AMPD1: variants seen among roughly 807,000 people sequenced by gnomAD.
The protein encoded by AMPD1 is AMP deaminase 1.
AMPD1 carries 74 observed loss-of-function variants against 82.9 expected under a neutral mutation model. The ratio of observed to expected loss-of-function variants is 0.89; its 90% CI spans 0.74 to 1.08. The LOEUF is 1.08. Among genes scored for constraint, AMPD1 ranks in the 50% least tolerant of loss-of-function variants. The pLI is 0.00. For missense variants in AMPD1, 881 were observed against 924.5 expected (o/e 0.95, Z 0.61); for synonymous variants, 333 against 320.5 (o/e 1.04, Z -0.42).
Position 114,674,778 on chromosome 1 carries a change from T to C in AMPD1, c.1774A>G (p.Ile592Val). ...TTTTTTAAATTTAGGCCATGAGAGA[T>C]ATCATCTGCTATCATGAATGCTGTC... ...LMTAFMIADD[I>V]SHGLNLKKSP... Residue 592 changes from isoleucine to valine, a missense_variant, in exon 13 of 16, where the codon ATC (isoleucine) becomes GTC (valine). By Grantham distance (29) the Ile-to-Val change is conservative. Transcript: ENST00000520113. 1 of 1,613,356 alleles carries C rather than the reference T, an allele frequency of 6.2e-7. No individual in the cohort carries two copies. The highest frequency in any genetic ancestry group is 2.2e-5 in the East Asian group (1 of 44,886).
chr1:114,677,439 C>A lies in AMPD1; in HGVS notation c.1300G>T (p.Asp434Tyr), dbSNP rs752111432. 1 of 1,612,694 alleles carries A rather than the reference C, an allele frequency of 6.2e-7. No individual in the cohort carries two copies. Among genetic ancestry groups the A allele is most frequent in the Non-Finnish European group, 8.5e-7 (1 of 1,179,770 alleles). The change falls in exon 10 of 16, where the codon GAT becomes TAT. Residue 434 changes from aspartate to tyrosine, a missense_variant. Physicochemically the swap from Asp to Tyr is radical, Grantham distance 160. This residue lies in a region of AMPD1 where 783 missense variants were observed against 786.4 expected (regional missense o/e 1.00). Transcript: ENST00000520113. The part of the protein sequence containing the change: ...PRLSIYGRSP[D>Y]EWSKLSSWFV... Reference sequence around the variant, plus strand: ...CAGGAGGAGAGTTTGCTCCACTCATCAGGACTGCGGCCATAGATGGACAGG... The same window carrying A: ...CAGGAGGAGAGTTTGCTCCACTCATAAGGACTGCGGCCATAGATGGACAGG...
Position 114,673,667 on chromosome 1 carries a change from C to T in AMPD1, c.2057G>A (p.Ser686Asn). ...ATGAGAAATTCCACACTGCAAGACA[C>T]TGTTCCTTGCCACTTCGCACATATC... ...TCDMCEVARN[S>N]VLQCGISHEE... is the part of the protein sequence containing the mutation. Residue 686 changes from serine (S) to asparagine (N), a missense_variant, in exon 15 of 16, where the codon AGT (serine) becomes AAT (asparagine). Around this residue, in one of 2 missense-constraint regions of AMPD1, gnomAD observed 98 missense variants for 138.1 expected, o/e 0.71. Coordinates refer to ENST00000520113, the MANE Select transcript of AMPD1 (RefSeq NM_000036.3). 1 of 1,614,064 alleles carries T rather than the reference C, an allele frequency of 6.2e-7. No homozygotes were observed. Among genetic ancestry groups the T allele is most frequent in the Middle Eastern group, 1.6e-4 (1 of 6,062 alleles).
chr1:114,673,828 A>G (rs1188904541), intron 14 of AMPD1, 79 bp from the exon 15 acceptor site: 17 of 1,577,614 alleles, frequency 1.1e-5, no homozygotes, highest in Non-Finnish European at 1.5e-5. Context: ...ATAATGAAAT[A>G]CCTTTATTTG....
At position 114,688,641 on chromosome 1, in the gene AMPD1, C is replaced by G. The variant is rs551907814; in HGVS notation, c.135G>C (p.Glu45Asp). ...TCTCATGATGAGAAATCGGACAGAT[C>G]TCATCCACATCAAAGGGGGAAATCT... is the stretch of plus-strand genomic sequence containing the variant. ...RQEISPFDVD[E>D]ICPISHHEMQ... Residue 45 changes from glutamate to aspartate, a missense_variant, in exon 3 of 16, where the codon GAG becomes GAC. Transcript: ENST00000520113. 6.2e-7 allele frequency: 1 copy of G among 1,614,200 alleles called. No individual in the cohort carries two copies. The highest frequency in any genetic ancestry group is 1.3e-5 in the African/African-American group (1 of 75,052).
At chr1:114,678,796 T>G (rs954760784) in intron 7 of AMPD1, among the ~76,000 whole-genome samples, 2 of 152,202 alleles carry the variant, frequency 1.3e-5, no homozygotes, top group African/African-American at 4.8e-5. Flanking sequence ...CTACGTCTGA[T>G]CCACACATTC....
chr1:114,689,840 C>G (rs1658463932), intron 2 of AMPD1, among the ~76,000 whole-genome samples: 1 of 152,098 alleles, frequency 6.6e-6, no homozygotes, highest in African/African-American at 2.4e-5. Flanking sequence ...AAACCAGTGT[C>G]ATCATATAGG....
intron 2 of AMPD1, among the ~76,000 whole-genome samples, chr1:114,690,920 G>A (rs935657802): frequency 3.9e-5 from 6 of 152,204 alleles, no homozygotes; most frequent in African/African-American, 7.2e-5. Flanking sequence ...CAGCAATAAT[G>A]CTGGAGGCCT....
At chr1:114,691,817 C>T (rs754451673) in intron 2 of AMPD1, among the ~76,000 whole-genome samples, 9 of 151,950 alleles carry the variant, frequency 5.9e-5, no homozygotes, top group Non-Finnish European at 1.3e-4. Flanking sequence ...CCCAGCTACT[C>T]CAGAGGCTGA....
intron 3 of AMPD1, among the ~76,000 whole-genome samples, 189 bp downstream of exon 3, chr1:114,688,371 AC>A (rs1658380801): frequency 6.6e-6 from 1 of 152,026 alleles, no homozygotes; most frequent in South Asian, 2.1e-4. Flanking sequence ...CAAGTGATCC[AC>A]CCACCTCGGC....
At position 114,673,241 on chromosome 1, in the gene AMPD1, A is replaced by G. The variant is rs773681520; in HGVS notation, c.2117T>C (p.Leu706Pro). ...ATCATTTCCAGCAGGGCCTTCCTCA[A>G]GGTAATTGTCGCCCAGAAACTTTAC... is the stretch of plus-strand genomic sequence containing the variant. ...EKVKFLGDNY[L>P]EEGPAGNDIR... Residue 706 changes from leucine (L) to proline (P), a missense_variant, in exon 16 of 16, where the codon CTT (leucine) becomes CCT (proline). This residue lies in a region of AMPD1 where 98 missense variants were observed against 138.1 expected (regional missense o/e 0.71). Coordinates refer to ENST00000520113, the MANE Select transcript of AMPD1 (RefSeq NM_000036.3). 1.2e-6 allele frequency: 2 copies of G among 1,614,162 alleles called. No individual in the cohort carries two copies. The highest frequency in any genetic ancestry group is 2.2e-5 in the East Asian group (1 of 44,884).
chr1:114,673,574 C>T (rs942360111), intron 15 of AMPD1, 65 bp downstream of exon 15: 2 of 1,325,498 alleles, frequency 1.5e-6, no homozygotes, highest in South Asian at 2.4e-5. Context: ...TTCCCAACTA[C>T]TTTTTCGGTA....
chr1:114,675,869 A>T lies in AMPD1; in HGVS notation c.1515+8T>A, dbSNP rs1657966991. ...CAGCAGTATGAAGGCCTGAAGGGTC[A>T]TGCTTACATGCTTGAGGAAGACACT... is the stretch of plus-strand genomic sequence containing the variant. On this transcript the variant is annotated splice_region_variant and intron_variant, in intron 11 of 15. Coordinates refer to ENST00000520113, the MANE Select transcript of AMPD1 (RefSeq NM_000036.3). The T allele has an allele frequency of 6.2e-7, 1 of 1,614,084 alleles. No individual in the cohort carries two copies. Among genetic ancestry groups the T allele is most frequent in the African/African-American group, 1.3e-5 (1 of 74,942 alleles).
At chr1:114,678,614 C>T (rs1658069868) in intron 7 of AMPD1, 87 bp from the exon 8 acceptor site, 2 of 1,224,112 alleles carry the variant, frequency 1.6e-6, no homozygotes, top group Admixed American at 1.8e-5. Context: ...GCAAATCCCA[C>T]TGCGTTGGGA....
intron 4 of AMPD1, among the ~76,000 whole-genome samples, chr1:114,685,525 C>T (rs1362530124): frequency 6.6e-6 from 1 of 152,182 alleles, no homozygotes; most frequent in Non-Finnish European, 1.5e-5. Context: ...GCAGCCCAGC[C>T]ACATTCAGCC....
Position 114,678,491 on chromosome 1 carries a change from G to T in AMPD1, c.934C>A (p.Gln312Lys). Residue 312 changes from glutamine to lysine, a missense_variant, in exon 8 of 16, where the codon CAG becomes AAG. Around this residue, in one of 2 missense-constraint regions of AMPD1, gnomAD observed 783 missense variants for 786.4 expected, o/e 1.00. Coordinates refer to ENST00000520113, the MANE Select transcript of AMPD1 (RefSeq NM_000036.3). The stretch of plus-strand genomic sequence containing the variant: ...TTAATAAAACGCAGCAGATGTTTCT[G>T]GTTCATGCAAGCGGCTGCATGGATA... ...THIHAAACMNQKHLLRFIKKS... is the reference protein window; with the variant it reads ...THIHAAACMNKKHLLRFIKKS... 1 of 1,614,160 alleles carries T rather than the reference G, an allele frequency of 6.2e-7. No homozygotes were observed. Among genetic ancestry groups the T allele is most frequent in the Non-Finnish European group, 8.5e-7 (1 of 1,180,030 alleles).
intron 4 of AMPD1, 96 bp from the exon 5 acceptor site, chr1:114,684,460 G>T: frequency 7.6e-7 from 1 of 1,313,574 alleles, no homozygotes; most frequent in Non-Finnish European, 1.1e-6. Context: ...GCTCTCCTGT[G>T]TATCGCAGCC....
In AMPD1 at chr1:114,677,410, G is replaced by A. The variant is rs766228935; in HGVS notation, c.1329C>T (p.Phe443=). The A allele has an allele frequency of 4.3e-6, 7 of 1,611,386 alleles. No individual in the cohort carries two copies. The highest frequency in any genetic ancestry group is 3.4e-5 in the Admixed American group (2 of 59,574). The change falls in exon 10 of 16, where the codon TTC becomes TTT. Residue 443 remains phenylalanine, a synonymous_variant. Coordinates refer to ENST00000520113, the MANE Select transcript of AMPD1 (RefSeq NM_000036.3). ...PDEWSKLSSW[F]VCNRIHCPNM... is the part of the protein sequence containing the mutation. ...TGGGGCAGTGGATGCGATTGCAGAC[G>A]AACCAGGAGGAGAGTTTGCTCCACT... is the stretch of plus-strand genomic sequence containing the variant.
rs1422341304 is a variant in AMPD1 at position 114,674,791 on chromosome 1, C to T, written c.1761G>A (p.Met587Ile). The change falls in exon 13 of 16, where the codon ATG becomes ATA. Residue 587 changes from methionine to isoleucine, a missense_variant. By Grantham distance (10) the Met-to-Ile change is conservative. Coordinates refer to ENST00000520113, the MANE Select transcript of AMPD1 (RefSeq NM_000036.3). ...GALTHLMTAF[M>I]IADDISHGLN... Reference sequence around the variant, plus strand: ...GGCCATGAGAGATATCATCTGCTATCATGAATGCTGTCATGAGATGGGTGA... The same window carrying T: ...GGCCATGAGAGATATCATCTGCTATTATGAATGCTGTCATGAGATGGGTGA... The T allele has an allele frequency of 2.5e-6, 4 of 1,613,704 alleles. No homozygotes were observed. The highest frequency in any genetic ancestry group is 3.4e-6 in the Non-Finnish European group (4 of 1,179,698).
intron 4 of AMPD1, 76 bp from the exon 5 acceptor site, chr1:114,684,440 G>A (rs1277554058): frequency 7.5e-6 from 11 of 1,464,008 alleles, no homozygotes; most frequent in Non-Finnish European, 1.0e-5. Context: ...CTTATCCTTG[G>A]CACCTCCCAG....
Sources: gnomAD v4.1 joint callset for allele counts (sites outside exome capture counted in the v4.1 genomes callset) on GRCh38, gnomAD v4.1.1 for gene constraint, gnomAD v4.1.1 regional missense constraint, MANE v1.5 for transcripts, NCBI Gene and HGNC (gene_info 2026-07-23, HGNC 2026-07-21) for gene names.